The following ITM2B variants were observed in gnomAD, a reference collection of about 807,000 sequenced individuals.
ITM2B encodes the protein integral membrane protein 2B.
ITM2B carries 11 observed loss-of-function variants against 27.8 expected under a neutral mutation model. The observed-to-expected ratio is 0.40, with a 90% CI of 0.25 to 0.66. ITM2B has a LOEUF of 0.66. Ranked by LOEUF, ITM2B falls within the 30% of genes least tolerant of loss-of-function variation. The pLI is 0.43. For missense variants in ITM2B, 296 were observed against 328.9 expected, an observed-to-expected ratio of 0.90 and a Z score of 0.77; for synonymous variants, 114 against 114.3, an observed-to-expected ratio of 1.00 and a Z score of 0.02.
rs1433254323 is a variant in ITM2B, at chr13:48,268,709, C to T, written c.*7485C>T. ...GAAGTATGAATAAAGTTGCTATGAA[C>T]ATGCATGTACAAGTCTTTGTAGATA... On this transcript the variant is annotated 3_prime_UTR_variant, in exon 6 of 6. Coordinates refer to ENST00000647800, the MANE Select transcript of ITM2B (RefSeq NM_021999.5). 2 of 152,152 alleles carry T rather than the reference C, an allele frequency of 1.3e-5. No individual in the cohort carries two copies. The highest frequency in any genetic ancestry group is 4.8e-5 in the African/African-American group (2 of 41,444). 9.4% of individuals were successfully genotyped at this position (152,152 alleles called of 1,614,324 possible).
chr13:48,265,893 A>G lies in ITM2B; in HGVS notation c.*4669A>G, dbSNP rs970990032. On this transcript the variant is annotated 3_prime_UTR_variant, in exon 6 of 6. Coordinates refer to ENST00000647800, the MANE Select transcript of ITM2B (RefSeq NM_021999.5). ...CATCTGTCTCTTTTTTGTGACTTGA[A>G]TATAATTAATATTTTATATTTTGTC... 5.9e-5 allele frequency: 9 copies of G among 152,090 alleles called. No individual in the cohort carries two copies. The highest frequency in any genetic ancestry group is 1.3e-4 in the Non-Finnish European group (9 of 68,022). 9.4% of individuals were successfully genotyped at this position (152,090 alleles called of 1,614,324 possible). A position where few individuals can be genotyped will look rare whatever the true frequency, so the allele number is the denominator to read the frequency against.
chr13:48,244,353 G>C (rs1951714474), intron 1 of ITM2B, among the ~76,000 whole-genome samples: 1 of 152,246 alleles, frequency 6.6e-6, no homozygotes, highest in African/African-American at 2.4e-5. Context: ...GGTGGAGTAA[G>C]GGAGCAACAT....
intron 1 of ITM2B, among the ~76,000 whole-genome samples, chr13:48,241,751 A>C (rs1285503398): frequency 1.3e-5 from 2 of 152,224 alleles, no homozygotes; most frequent in African/African-American, 4.8e-5. Flanking sequence ...TTTTCCTATC[A>C]AATTCTTCAT....
In ITM2B at chr13:48,261,359, A is replaced by C; in HGVS notation, c.*135A>C. 7.5e-6 allele frequency: 5 copies of C among 667,680 alleles called. No individual in the cohort carries two copies. The highest frequency in any genetic ancestry group is 2.8e-5 in the Admixed American group (1 of 35,206). 41.4% of individuals were successfully genotyped at this position (667,680 alleles called of 1,614,324 possible). ...CAGGGCTTTACTATCTTTTCATCTC[A>C]TTAATTCAATTAAAACCATTACCTT... is the stretch of plus-strand genomic sequence containing the variant. On this transcript the variant is annotated 3_prime_UTR_variant, in exon 6 of 6. Coordinates refer to ENST00000647800, the MANE Select transcript of ITM2B (RefSeq NM_021999.5).
chr13:48,245,292 C>T (rs1336296923), intron 1 of ITM2B, among the ~76,000 whole-genome samples: 3 of 151,238 alleles, frequency 2.0e-5, no homozygotes, highest in African/African-American at 7.3e-5. Flanking sequence ...CACCACTGTA[C>T]TCCAGCCTGG....
In ITM2B at chr13:48,263,483, G is replaced by A. The variant is rs994764100; in HGVS notation, c.*2259G>A. Reference sequence around the variant, plus strand: ...AAACCAGAGGGTGAGGGATGTGGATGAGAAGATGACAGAGAATCAGACATG... The same window carrying A: ...AAACCAGAGGGTGAGGGATGTGGATAAGAAGATGACAGAGAATCAGACATG... On this transcript the variant is annotated 3_prime_UTR_variant, in exon 6 of 6. Coordinates refer to ENST00000647800, the MANE Select transcript of ITM2B (RefSeq NM_021999.5). 3 of 152,286 alleles carry A rather than the reference G, an allele frequency of 2.0e-5. No homozygotes were observed. The highest frequency in any genetic ancestry group is 7.2e-5 in the African/African-American group (3 of 41,440). 9.4% of individuals were successfully genotyped at this position (152,286 alleles called of 1,614,324 possible).
chr13:48,239,312 G>C (rs1951686318), intron 1 of ITM2B, among the ~76,000 whole-genome samples: 1 of 152,148 alleles, frequency 6.6e-6, no homozygotes, highest in African/African-American at 2.4e-5. Flanking sequence ...GTTGAAGCTG[G>C]ACTTTTTGCA....
At chr13:48,257,804 C>G (rs1183753023) in intron 3 of ITM2B, among the ~76,000 whole-genome samples, 1 of 152,050 alleles carries the variant, frequency 6.6e-6, no homozygotes, top group Non-Finnish European at 1.5e-5. Flanking sequence ...GACAGATAAC[C>G]TTAGAGGGCA....
intron 1 of ITM2B, among the ~76,000 whole-genome samples, chr13:48,253,397 TAGAG>T (rs1285481816): frequency 1.3e-5 from 2 of 152,198 alleles, no homozygotes; most frequent in Non-Finnish European, 2.9e-5. Context: ...AATGATCAGA[TAGAG>T]AGATGCCCTG....
intron 1 of ITM2B, among the ~76,000 whole-genome samples, chr13:48,245,131 G>A (rs1951717630): frequency 6.6e-6 from 1 of 152,182 alleles, no homozygotes; most frequent in Non-Finnish European, 1.5e-5. Context: ...TTCGAGACCA[G>A]CCTGGCCAAC....
At chr13:48,251,875 G>A (rs568878870) in intron 1 of ITM2B, among the ~76,000 whole-genome samples, 5 of 152,194 alleles carry the variant, frequency 3.3e-5, no homozygotes, top group South Asian at 2.1e-4. Context: ...TGTATACTTC[G>A]TCATTAAAGT....
Position 48,268,235 on chromosome 13 carries a change from T to C in ITM2B, c.*7011T>C, listed in dbSNP as rs994207739. ...TTGCATGACTCAGCAGTTCTTTCTT[T>C]TCAGTTGCTGTGTAGTAGTCCATTT... On this transcript the variant is annotated 3_prime_UTR_variant, in exon 6 of 6. Transcript: ENST00000647800. 1 of 152,164 alleles carries C rather than the reference T, an allele frequency of 6.6e-6. No homozygotes were observed. Among genetic ancestry groups the C allele is most frequent in the Non-Finnish European group, 1.5e-5 (1 of 68,036 alleles). The allele number at this position is 152,164 out of a possible 1,614,324, so 9.4% of individuals were successfully genotyped here.
At chr13:48,259,462 T>C (rs563625468) in intron 5 of ITM2B, among the ~76,000 whole-genome samples, 12 of 152,242 alleles carry the variant, frequency 7.9e-5, no homozygotes, top group Non-Finnish European at 1.8e-4. Context: ...TTTTCTCACC[T>C]GAAATATAAG....
intron 1 of ITM2B, among the ~76,000 whole-genome samples, chr13:48,239,641 A>G (rs1246549730): frequency 1.3e-5 from 2 of 152,312 alleles, no homozygotes; most frequent in Admixed American, 1.3e-4. Flanking sequence ...CAAAAAACAA[A>G]AGAATATTCT....
At chr13:48,261,071 T>TA (rs2137997708) in intron 5 of ITM2B, 68 bp from the exon 6 acceptor site, 1 of 1,023,738 alleles carries the variant, frequency 9.8e-7, no homozygotes, top group East Asian at 2.6e-5. Context: ...ATAATAACTA[T>TA]AAAAATGATG....
At chr13:48,259,273 G>A (rs1202028334) in intron 5 of ITM2B, among the ~76,000 whole-genome samples, 1 of 152,128 alleles carries the variant, frequency 6.6e-6, no homozygotes, top group African/African-American at 2.4e-5. Flanking sequence ...TATCCAGAGG[G>A]TGTCTTGGGA....
Position 48,233,236 on chromosome 13 carries a change from C to A in ITM2B, c.-125C>A. ...CCGCCTCTGCCGCCGCGGAGCTTCCCGAACCTCTTCAGCCGCCCGGAGCCG... is the reference window on the plus strand; with the variant it reads ...CCGCCTCTGCCGCCGCGGAGCTTCCAGAACCTCTTCAGCCGCCCGGAGCCG... On this transcript the variant is annotated 5_prime_UTR_variant, in exon 1 of 6. Transcript: ENST00000647800. The A allele has an allele frequency of 1.8e-6, 1 of 570,160 alleles. No individual in the cohort carries two copies. Among genetic ancestry groups the A allele is most frequent in the South Asian group, 2.3e-5 (1 of 42,770 alleles). The allele number at this position is 570,160 out of a possible 1,614,324, so 35.3% of individuals were successfully genotyped here.
intron 1 of ITM2B, among the ~76,000 whole-genome samples, chr13:48,252,008 G>A (rs967318109): frequency 2.0e-5 from 3 of 151,994 alleles, no homozygotes; most frequent in South Asian, 2.1e-4. Flanking sequence ...CTTGCAATAC[G>A]CTCATTGTCT....
intron 5 of ITM2B, among the ~76,000 whole-genome samples, chr13:48,259,996 C>T (rs1310492697): frequency 3.3e-5 from 5 of 152,106 alleles, no homozygotes; most frequent in Non-Finnish European, 7.4e-5. Context: ...TATCCCTCCC[C>T]TAGGCCCCCA....
Sources: gnomAD v4.1 joint callset for allele counts (sites outside exome capture counted in the v4.1 genomes callset) on GRCh38, gnomAD v4.1.1 for gene constraint, MANE v1.5 for transcripts, NCBI Gene and HGNC (gene_info 2026-07-23, HGNC 2026-07-21) for gene names.